SLC4A8: variants seen among roughly 807,000 people sequenced by gnomAD.
SLC4A8 encodes electroneutral sodium bicarbonate exchanger 1.
SLC4A8 carries 40 observed loss-of-function variants against 125.0 expected under a neutral mutation model. The ratio of observed to expected loss-of-function variants is 0.32; its 90% CI spans 0.25 to 0.42. SLC4A8 has a LOEUF of 0.42. Among genes scored for constraint, SLC4A8 ranks in the 10% least tolerant of loss-of-function variants. SLC4A8 has a pLI of 1.00. For missense variants in SLC4A8, 863 were observed against 1,355.1 expected, an observed-to-expected ratio of 0.64 and a Z score of 5.70; for synonymous variants, 456 against 476.0, an observed-to-expected ratio of 0.96 and a Z score of 0.55.
intron 4 of SLC4A8, among the ~76,000 whole-genome samples, chr12:51,453,203 G>A (rs780212282): frequency 6.6e-6 from 1 of 152,016 alleles, no homozygotes; most frequent in Non-Finnish European, 1.5e-5. Context: ...ATTATAGAAA[G>A]TTTAAGAATA....
rs1024673692 is a variant in SLC4A8 at position 51,432,474 on chromosome 12, C to T, written c.48+7439C>T. On this transcript the variant is annotated intron_variant, in intron 1 of 24. Transcript: ENST00000453097. ...GTGTGGTGGCTCACACCTGTAATCC[C>T]AGCACCTTGGGAGGCCGAGGTGGGT... Among the ~76,000 whole-genome samples, 5 of 150,954 alleles carry T rather than the reference C, an allele frequency of 3.3e-5. No individual in the cohort carries two copies. In the East Asian group the frequency reaches 9.8e-4, roughly 30 times the overall value.
intron 1 of SLC4A8, among the ~76,000 whole-genome samples, chr12:51,407,399 G>T (rs147259005): frequency 2.0e-5 from 3 of 151,894 alleles, no homozygotes; most frequent in Non-Finnish European, 4.4e-5. Context: ...GGCACTACAG[G>T]CATGCATCAC....
Position 51,424,872 on chromosome 12 carries a change from C to A in SLC4A8, c.-116C>A. 2 of 1,148,794 alleles carry A rather than the reference C, an allele frequency of 1.7e-6. No individual in the cohort carries two copies. Among genetic ancestry groups the A allele is most frequent in the South Asian group, 1.4e-5 (1 of 71,976 alleles). 71.2% of individuals were successfully genotyped at this position (1,148,794 alleles called of 1,614,324 possible). Reference sequence around the variant, plus strand: ...GGAGGCGGCGGCGGTTGATGGTTGACCGTTGGCTCCGGGGTGGGGGTCGCC... The same window carrying A: ...GGAGGCGGCGGCGGTTGATGGTTGAACGTTGGCTCCGGGGTGGGGGTCGCC... On this transcript the variant is annotated 5_prime_UTR_variant, in exon 1 of 25. Transcript: ENST00000453097.
At chr12:51,489,218 A>G (rs1951238700) in intron 18 of SLC4A8, among the ~76,000 whole-genome samples, 1 of 152,138 alleles carries the variant, frequency 6.6e-6, no homozygotes, top group South Asian at 2.1e-4. Context: ...GTATTCTCCC[A>G]CTGGTGTCTG....
At chr12:51,403,210 G>A (rs1035815367) in intron 1 of SLC4A8, 15 of 456,754 alleles carry the variant, frequency 3.3e-5, no homozygotes, top group South Asian at 1.5e-4. Flanking sequence ...CCTCGCTACC[G>A]CCGGGGAGAC....
At chr12:51,459,177 C>CT (rs1950242832) in intron 7 of SLC4A8, among the ~76,000 whole-genome samples, 1 of 152,208 alleles carries the variant, frequency 6.6e-6, no homozygotes, top group Non-Finnish European at 1.5e-5. Flanking sequence ...ATCTTTGACA[C>CT]TGTGTTTCTA....
chr12:51,458,468 G>A, intron 6 of SLC4A8, 91 bp from the exon 7 acceptor site: 1 of 862,706 alleles, frequency 1.2e-6, no homozygotes, highest in Non-Finnish European at 2.0e-6. Context: ...AGGCTTTGCA[G>A]GAGAAGGCAG....
intron 2 of SLC4A8, 51 bp from the exon 3 acceptor site, chr12:51,450,825 G>A (rs748917494): frequency 5.0e-6 from 8 of 1,599,438 alleles, no homozygotes; most frequent in African/African-American, 2.7e-5. Context: ...TGTTGTTGTT[G>A]TTTTTTAAAA....
intron 1 of SLC4A8, among the ~76,000 whole-genome samples, chr12:51,437,157 T>C (rs941685113): frequency 2.6e-5 from 4 of 152,252 alleles, no homozygotes; most frequent in Non-Finnish European, 5.9e-5. Flanking sequence ...AAAGTTTGTT[T>C]ATTCCAGTTG....
intron 1 of SLC4A8, among the ~76,000 whole-genome samples, chr12:51,438,014 G>A (rs1176400510): frequency 6.6e-6 from 1 of 152,148 alleles, no homozygotes; most frequent in African/African-American, 2.4e-5. Flanking sequence ...AAATTGACAA[G>A]TAATATTTAA....
intron 1 of SLC4A8, among the ~76,000 whole-genome samples, chr12:51,399,217 C>T (rs1167146626): frequency 6.6e-6 from 1 of 152,104 alleles, no homozygotes; most frequent in Non-Finnish European, 1.5e-5. Flanking sequence ...AAATGTTTGC[C>T]TCATTGTTTA....
intron 1 of SLC4A8, among the ~76,000 whole-genome samples, chr12:51,427,667 T>G (rs967541141): frequency 1.3e-5 from 2 of 152,224 alleles, no homozygotes; most frequent in Non-Finnish European, 2.9e-5. Context: ...ATGTGCTAAC[T>G]AGGCTGTGTG....
At chr12:51,493,391 T>C (rs1951371432) in intron 19 of SLC4A8, among the ~76,000 whole-genome samples, 1 of 151,998 alleles carries the variant, frequency 6.6e-6, no homozygotes, top group East Asian at 1.9e-4. Flanking sequence ...CGTTTGTGTG[T>C]GTGTGTGTGT....
chr12:51,435,405 G>A (rs1472015270), intron 1 of SLC4A8, among the ~76,000 whole-genome samples: 1 of 152,090 alleles, frequency 6.6e-6, no homozygotes, highest in Non-Finnish European at 1.5e-5. Context: ...AGTTTTCAAA[G>A]TAATGAGTTG....
At chr12:51,502,597 A>C (rs1937949715) in intron 22 of SLC4A8, among the ~76,000 whole-genome samples, 1 of 149,614 alleles carries the variant, frequency 6.7e-6, no homozygotes, top group South Asian at 2.1e-4. Flanking sequence ...GTGGTGTTAA[A>C]AACTGGTCAA....
In SLC4A8 at chr12:51,507,649, G is replaced by T; in HGVS notation, c.*211G>T. On this transcript the variant is annotated 3_prime_UTR_variant, in exon 25 of 25. Coordinates refer to ENST00000453097, the MANE Select transcript of SLC4A8 (RefSeq NM_001039960.3). ...ATACCAGCAGCCAGTCACCAGATGTGAATGTGGAAGCAGAAGACCACCTCC... is the reference window on the plus strand; with the variant it reads ...ATACCAGCAGCCAGTCACCAGATGTTAATGTGGAAGCAGAAGACCACCTCC... The T allele has an allele frequency of 2.4e-6, 1 of 419,860 alleles. No homozygotes were observed. The allele number at this position is 419,860 out of a possible 1,614,324, so 26.0% of individuals were successfully genotyped here. A position where few individuals can be genotyped will look rare whatever the true frequency, so the allele number is the denominator to read the frequency against.
intron 7 of SLC4A8, 23 bp downstream of exon 7, chr12:51,458,673 G>A: frequency 2.0e-6 from 3 of 1,517,708 alleles, no homozygotes; most frequent in Non-Finnish European, 1.8e-6. Flanking sequence ...GTGGGAAGTT[G>A]GCTTCAAGGC....
intron 16 of SLC4A8, among the ~76,000 whole-genome samples, chr12:51,484,211 G>C (rs17125856): frequency 6.6e-6 from 1 of 152,230 alleles, no homozygotes; most frequent in South Asian, 2.1e-4. Flanking sequence ...GTCACGGGAG[G>C]TACATATTAA....
intron 5 of SLC4A8, 29 bp from the exon 6 acceptor site, chr12:51,457,322 G>A: frequency 1.9e-6 from 3 of 1,602,824 alleles, no homozygotes; most frequent in Non-Finnish European, 2.6e-6. Context: ...CCCTCAATCT[G>A]AGTGTTCATG....
Sources: gnomAD v4.1 joint callset for allele counts (sites outside exome capture counted in the v4.1 genomes callset) on GRCh38, gnomAD v4.1.1 for gene constraint, MANE v1.5 for transcripts, NCBI Gene and HGNC (gene_info 2026-07-23, HGNC 2026-07-21) for gene names.